The following MGP variants were observed in gnomAD, a reference collection of about 807,000 sequenced individuals.
MGP encodes cell growth-inhibiting gene 36 protein.
In MGP, 13 loss-of-function variants were observed where a neutral mutation model predicts 14.5. That is an observed-to-expected ratio of 0.89 (90% CI 0.58 to 1.42). The LOEUF (loss-of-function observed/expected upper bound fraction) is 1.42. MGP is among the 40% of genes most tolerant of loss of function. MGP has a pLI of 0.00. For synonymous variants in MGP, 44 were observed against 46.3 expected (o/e 0.95, Z 0.20); for missense variants, 128 against 133.7 (o/e 0.96, Z 0.21).
rs752884981 is a variant in MGP at position 14,882,107 on chromosome 12, GA to G, written c.*31del. The G allele has an allele frequency of 6.2e-7, 1 of 1,613,438 alleles. No individual in the cohort carries two copies. The highest frequency in any genetic ancestry group is 8.5e-7 in the Non-Finnish European group (1 of 1,179,574). On this transcript the variant is annotated 3_prime_UTR_variant, in exon 4 of 4. Transcript: ENST00000539261. ...ATACAAAATCAGGTGCCAGCCTCCAGAAAAAAAGAGATTTTTTTTCTTCCCT... is the reference window on the plus strand; with the variant it reads ...ATACAAAATCAGGTGCCAGCCTCCAGAAAAAAGAGATTTTTTTTCTTCCCT...
chr12:14,883,008 G>T lies in MGP; in HGVS notation c.134C>A (p.Ser45Tyr). 6.2e-7 allele frequency: 1 copy of T among 1,612,818 alleles called. No individual in the cohort carries two copies. Among genetic ancestry groups the T allele is most frequent in the Non-Finnish European group, 8.5e-7 (1 of 1,178,950 alleles). Residue 45 changes from serine (S) to tyrosine (Y), a missense_variant, in exon 3 of 4, where the codon TCC becomes TAC. Ser to Tyr is a moderately radical substitution (Grantham distance 144). Transcript: ENST00000539261. Reference sequence around the variant, plus strand: ...TTTAGCTCTCCATCTCTGCTGAGGGGATATGAAGGTATTTGCATTTCTCCT... The same window carrying T: ...TTTAGCTCTCCATCTCTGCTGAGGGTATATGAAGGTATTTGCATTTCTCCT... ...INRRNANTFI[S>Y]PQQRWRAKVQ... is the part of the protein sequence containing the mutation.
chr12:14,882,047 A>C lies in MGP; in HGVS notation c.*92T>G, dbSNP rs769408328. The C allele has an allele frequency of 1.4e-6, 2 of 1,466,976 alleles. No individual in the cohort carries two copies. Among genetic ancestry groups the C allele is most frequent in the African/African-American group, 2.8e-5 (2 of 71,506 alleles). The allele number at this position is 1,466,976 out of a possible 1,614,324, so 90.9% of individuals were successfully genotyped here. A position where few individuals can be genotyped will look rare whatever the true frequency, so the allele number is the denominator to read the frequency against. The stretch of plus-strand genomic sequence containing the variant: ...TATACAGGAAAGAAGCATTGTATAT[A>C]AGCCTATGTATTTCTGTAATGCTGC... On this transcript the variant is annotated 3_prime_UTR_variant, in exon 4 of 4. Coordinates refer to ENST00000539261, the MANE Select transcript of MGP (RefSeq NM_000900.5).
chr12:14,885,824 G>A lies in MGP; in HGVS notation c.-33C>T. Reference sequence around the variant, plus strand: ...TCCTGCAGGTCAGTCTCAGGGTCTTGTGTAGCAGCAGTAGGGAGAGAGGCT... The same window carrying A: ...TCCTGCAGGTCAGTCTCAGGGTCTTATGTAGCAGCAGTAGGGAGAGAGGCT... On this transcript the variant is annotated 5_prime_UTR_variant, in exon 1 of 4. Coordinates refer to ENST00000539261, the MANE Select transcript of MGP (RefSeq NM_000900.5). The A allele has an allele frequency of 1.9e-6, 3 of 1,601,074 alleles. No homozygotes were observed. Among genetic ancestry groups the A allele is most frequent in the East Asian group, 2.2e-5 (1 of 44,798 alleles).
chr12:14,883,042 AG>A lies in MGP; in HGVS notation c.99del (p.Phe34SerfsTer87), dbSNP rs1257805413. On this transcript the variant is annotated frameshift_variant, in exon 3 of 4. Coordinates refer to ENST00000539261, the MANE Select transcript of MGP (RefSeq NM_000900.5). LOFTEE classifies it high-confidence loss of function. ...GTATTTGCATTTCTCCTGTTAATGA[AG>A]GGATCTTAGAACAGAAAATAAATAA... Reference protein sequence around the residue: ...HESMESYELNPFINRRNANTF... With the variant: ...HESMESYELNXFINRRNANTF... The A allele has an allele frequency of 6.2e-7, 1 of 1,605,900 alleles. No individual in the cohort carries two copies. Among genetic ancestry groups the A allele is most frequent in the African/African-American group, 1.3e-5 (1 of 74,896 alleles).
At position 14,882,150 on chromosome 12, in the gene MGP, C is replaced by G; in HGVS notation, c.301G>C (p.Gly101Arg). The change falls in exon 4 of 4, where the codon GGG becomes CGG. Residue 101 changes from glycine to arginine, a missense_variant. Transcript: ENST00000539261. ...TTCTTCCCTCAGTCTCATTTGGTCC[C>G]TCGGCGCTTCCTGAAGTAGCGATTA... ...AYNRYFRKRR[G>R]TK The G allele has an allele frequency of 6.2e-7, 1 of 1,613,996 alleles. No homozygotes were observed. Among genetic ancestry groups the G allele is most frequent in the Non-Finnish European group, 8.5e-7 (1 of 1,179,966 alleles).
At chr12:14,884,813 C>G in intron 1 of MGP, 2 of 1,532,906 alleles carry the variant, frequency 1.3e-6, no homozygotes, top group Middle Eastern at 3.4e-4. Context: ...GACAGCTCAC[C>G]CTGGGCACGA....
At chr12:14,882,707 C>T (rs1210398462) in intron 3 of MGP, among the ~76,000 whole-genome samples, 1 of 125,634 alleles carries the variant, frequency 8.0e-6, no homozygotes, top group African/African-American at 3.3e-5. Context: ...GAAGGCAGAA[C>T]AGGAGATTTT....
rs1469152487 is a variant in MGP, at chr12:14,881,478, T to C, written c.*661A>G. On this transcript the variant is annotated 3_prime_UTR_variant, in exon 4 of 4. Transcript: ENST00000539261. ...TTTACATATAATGTGATTATTGATA[T>C]AGTTAAGTGTATAAACTATTATTGA... 1 of 152,512 alleles carries C rather than the reference T, an allele frequency of 6.6e-6. No individual in the cohort carries two copies. The highest frequency in any genetic ancestry group is 2.4e-5 in the African/African-American group (1 of 41,472). 9.4% of individuals were successfully genotyped at this position (152,512 alleles called of 1,614,324 possible).
rs1801716 is a variant in MGP at position 14,882,985 on chromosome 12, T to C, written c.157A>G (p.Lys53Glu). The C allele has an allele frequency of 4.7e-3, 7,603 of 1,611,848 alleles. 43 individuals carry two copies. The highest frequency in any genetic ancestry group is 0.013 in the South Asian group (1,196 of 91,020). ...FISPQQRWRA[K>E]VQERIRERSK... ...TTTGTTACTGACCTCTCTTGGACTT[T>C]AGCTCTCCATCTCTGCTGAGGGGAT... The change falls in exon 3 of 4, where the codon AAA becomes GAA. Residue 53 changes from lysine (K) to glutamate (E), a missense_variant. Transcript: ENST00000539261.
rs10625024 is a variant in MGP at position 14,882,713 on chromosome 12, A to ATTTT, written c.170+255_170+258dup. The stretch of plus-strand genomic sequence containing the variant: ...CCAGGGAGGGAAGGCAGAACAGGAG[A>ATTTT]TTTTTTTTTTTTTTTTAATGAAAAT... On this transcript the variant is annotated intron_variant, in intron 3 of 3. Transcript: ENST00000539261. 8.6e-5 allele frequency among the ~76,000 whole-genome samples: 11 copies of ATTTT among 128,390 alleles called. No homozygotes were observed. In the East Asian group the frequency reaches 1.8e-3, roughly 21 times the overall value. 84.2% of individuals were successfully genotyped at this position (128,390 alleles called of 152,430 possible). A position where few individuals can be genotyped will look rare whatever the true frequency, so the allele number is the denominator to read the frequency against.
At chr12:14,885,642 A>G (rs1863430350) in intron 1 of MGP, 89 bp downstream of exon 1, 1 of 906,484 alleles carries the variant, frequency 1.1e-6, no homozygotes, top group Non-Finnish European at 1.8e-6. Flanking sequence ...GAAAGGGGGA[A>G]GAAGAGGAGG....
chr12:14,883,855 G>A (rs1335212067), intron 2 of MGP: 2 of 185,262 alleles, frequency 1.1e-5, no homozygotes, highest in African/African-American at 2.4e-5. Context: ...TCAGCTTAAC[G>A]TGGCGCCTGT....
intron 2 of MGP, 64 bp from the exon 3 acceptor site, chr12:14,883,111 A>G (rs1354650463): frequency 1.2e-5 from 15 of 1,229,152 alleles, no homozygotes; most frequent in Non-Finnish European, 1.4e-5. Flanking sequence ...TTCCGTGAAT[A>G]TTCCTTGACA....
chr12:14,882,206 T>TAG lies in MGP; in HGVS notation c.243_244dup (p.Tyr82SerfsTer40). The TAG allele has an allele frequency of 1.2e-6, 2 of 1,614,104 alleles. No homozygotes were observed. Among genetic ancestry groups the TAG allele is most frequent in the Non-Finnish European group, 1.7e-6 (2 of 1,179,994 alleles). On this transcript the variant is annotated frameshift_variant, in exon 4 of 4. Coordinates refer to ENST00000539261, the MANE Select transcript of MGP (RefSeq NM_000900.5). LOFTEE classifies it high-confidence loss of function. ...AGCATTGTATCCATAAACCATGGCG[T>TAG]AGCGTTCGCAAAGTCTGTAGTCATC...
In MGP at chr12:14,884,883, C is replaced by G. The variant is rs1057520189; in HGVS notation, c.62-638G>C. On this transcript the variant is annotated intron_variant, in intron 1 of 3. Coordinates refer to ENST00000539261, the MANE Select transcript of MGP (RefSeq NM_000900.5). The stretch of plus-strand genomic sequence containing the variant: ...AGCCGAAGTTTTCTTCTTTCTGCCA[C>G]TCTCCTGAGCACAGCAGATAAATTT... The G allele has an allele frequency of 2.6e-6, 4 of 1,534,800 alleles. No homozygotes were observed. The highest frequency in any genetic ancestry group is 3.5e-6 in the Non-Finnish European group (4 of 1,146,126).
At chr12:14,883,906 A>G (rs1863410467) in intron 2 of MGP, 1 of 254,412 alleles carries the variant, frequency 3.9e-6, no homozygotes. Flanking sequence ...GTGCTTTACC[A>G]TTTGTCATTA....
At chr12:14,884,044 G>T in intron 2 of MGP, 169 bp downstream of exon 2, 1 of 507,790 alleles carries the variant, frequency 2.0e-6, no homozygotes, top group Non-Finnish European at 3.5e-6. Context: ...TTAAAAAATT[G>T]CTCCTTTGGC....
intron 3 of MGP, 117 bp from the exon 4 acceptor site, chr12:14,882,397 A>G: frequency 7.7e-7 from 1 of 1,302,978 alleles, no homozygotes; most frequent in Non-Finnish European, 1.1e-6. Flanking sequence ...ATATTAAGAG[A>G]TATTTAAAGA....
In MGP at chr12:14,882,010, C is replaced by A. The variant is rs1863379163; in HGVS notation, c.*129G>T. The A allele has an allele frequency of 8.1e-7, 1 of 1,234,334 alleles. No individual in the cohort carries two copies. Among genetic ancestry groups the A allele is most frequent in the East Asian group, 2.4e-5 (1 of 42,428 alleles). 76.5% of individuals were successfully genotyped at this position (1,234,334 alleles called of 1,614,324 possible). ...TGGGGGCGGGAAAAAGGGGTGCAGC[C>A]AGACAAGAGAATATACAGGAAAGAA... is the stretch of plus-strand genomic sequence containing the variant. On this transcript the variant is annotated 3_prime_UTR_variant, in exon 4 of 4. Transcript: ENST00000539261.
Sources: allele counts gnomAD v4.1 joint callset (sites outside exome capture counted in the v4.1 genomes callset), GRCh38; gene constraint gnomAD v4.1.1; transcripts MANE v1.5; gene names NCBI Gene and HGNC (gene_info 2026-07-23, HGNC 2026-07-21).